NCOA2: variants seen among roughly 807,000 people sequenced by gnomAD.
NCOA2 encodes nuclear receptor coactivator 2.
In NCOA2, 21 loss-of-function variants were observed where a neutral mutation model predicts 145.1. The ratio of observed to expected loss-of-function variants is 0.14; its 90% confidence interval spans 0.10 to 0.21. The LOEUF is 0.21. Among genes scored for constraint, NCOA2 ranks in the 10% least tolerant of loss-of-function variants. The pLI is 1.00. For synonymous variants in NCOA2, 619 were observed against 637.5 expected (o/e 0.97, Z 0.44); for missense variants, 1,472 against 1,837.6 (o/e 0.80, Z 3.64).
intron 1 of NCOA2, among the ~76,000 whole-genome samples, chr8:70,391,252 A>G (rs148794860): frequency 6.6e-6 from 1 of 152,342 alleles, no homozygotes; most frequent in Non-Finnish European, 1.5e-5. Context: ...GTTACTCCAA[A>G]TAAGTGTTTG....
intron 1 of NCOA2, among the ~76,000 whole-genome samples, chr8:70,331,245 ATAAAGCTTTCTTAC>A (rs1807069613): frequency 6.6e-6 from 1 of 152,028 alleles, no homozygotes; most frequent in Non-Finnish European, 1.5e-5. Flanking sequence ...AAACAACAGC[ATAAAGCTTTCTTAC>A]TAAAACAAAC....
chr8:70,133,074 G>A (rs1311833211), intron 15 of NCOA2, among the ~76,000 whole-genome samples: 1 of 148,682 alleles, frequency 6.7e-6, no homozygotes, highest in Non-Finnish European at 1.5e-5. Context: ...GAGGAGGGGT[G>A]TGTGTGTGTG....
intron 1 of NCOA2, among the ~76,000 whole-genome samples, chr8:70,319,378 C>T (rs1166547262): frequency 6.6e-6 from 1 of 151,288 alleles, no homozygotes. Flanking sequence ...CCTGACTCTA[C>T]AAAAAATACA....
chr8:70,130,866 A>G (rs1194640700), intron 16 of NCOA2, among the ~76,000 whole-genome samples: 8 of 152,218 alleles, frequency 5.3e-5, no homozygotes, highest in Non-Finnish European at 7.3e-5. Context: ...CTCTTTACAC[A>G]GTAAGCCAGG....
chr8:70,284,087 T>C (rs977078161), intron 2 of NCOA2, among the ~76,000 whole-genome samples: 3 of 152,150 alleles, frequency 2.0e-5, no homozygotes, highest in Non-Finnish European at 2.9e-5. Flanking sequence ...ACAACACCCC[T>C]TGAAAACAGC....
At chr8:70,132,779 T>C (rs1809286739) in intron 15 of NCOA2, among the ~76,000 whole-genome samples, 1 of 152,210 alleles carries the variant, frequency 6.6e-6, no homozygotes, top group Non-Finnish European at 1.5e-5. Flanking sequence ...TTACCCACAC[T>C]GGTCTTGAAC....
At chr8:70,441,800 GAAA>G in the NCOA2 span, among the ~76,000 whole-genome samples, 8 of 137,112 alleles carry the variant, frequency 5.8e-5, no homozygotes, top group Non-Finnish European at 1.3e-4. Flanking sequence ...AAGAAAGAAA[GAAA>G]GAAAGAAAGA....
At chr8:70,261,351 A>G (rs1330832543) in intron 2 of NCOA2, among the ~76,000 whole-genome samples, 2 of 152,190 alleles carry the variant, frequency 1.3e-5, no homozygotes, top group Non-Finnish European at 2.9e-5. Context: ...TATCGCAGGA[A>G]CAAAAGGCCA....
At chr8:70,124,620 C>A (rs1343923953) in intron 20 of NCOA2, 68 bp downstream of exon 20, 3 of 1,437,144 alleles carry the variant, frequency 2.1e-6, no homozygotes, top group Non-Finnish European at 2.8e-6. Flanking sequence ...CGGGTGCAGG[C>A]ATGAAGGTGG....
intron 4 of NCOA2, among the ~76,000 whole-genome samples, chr8:70,197,029 C>T (rs887072726): frequency 4.6e-5 from 7 of 152,144 alleles, no homozygotes; most frequent in East Asian, 3.9e-4. Context: ...ATGCAGTAGG[C>T]GTCTAAATGG....
At chr8:70,211,648 C>T (rs1819042472) in intron 4 of NCOA2, among the ~76,000 whole-genome samples, 1 of 152,018 alleles carries the variant, frequency 6.6e-6, no homozygotes, top group South Asian at 2.1e-4. Context: ...GATAATTTGC[C>T]CAGGTTCAAA....
intron 2 of NCOA2, among the ~76,000 whole-genome samples, chr8:70,281,288 G>A (rs893352306): frequency 2.8e-4 from 42 of 150,182 alleles, no homozygotes; most frequent in African/African-American, 7.9e-4. Context: ...CATGGGAGGC[G>A]GAGGTTGTAG....
chr8:70,252,676 C>T (rs1290589998), intron 2 of NCOA2, among the ~76,000 whole-genome samples: 3 of 152,146 alleles, frequency 2.0e-5, no homozygotes, highest in Admixed American at 1.3e-4. Context: ...AAGTATTACA[C>T]AGGTCATTGG....
intron 10 of NCOA2, among the ~76,000 whole-genome samples, 198 bp downstream of exon 10, chr8:70,159,307 A>G (rs1177229026): frequency 7.3e-6 from 1 of 136,440 alleles, no homozygotes; most frequent in Non-Finnish European, 1.6e-5. Context: ...TGCAGAAGCC[A>G]TGGATACAGA....
At chr8:70,115,486 A>G (rs148069083) in intron 22 of NCOA2, among the ~76,000 whole-genome samples, 38 of 152,302 alleles carry the variant, frequency 2.5e-4, no homozygotes, top group Non-Finnish European at 5.0e-4. Context: ...CGTACCTAAT[A>G]CTTCTAGGAT....
At chr8:70,260,799 A>G (rs1393928653) in intron 2 of NCOA2, among the ~76,000 whole-genome samples, 3 of 152,246 alleles carry the variant, frequency 2.0e-5, no homozygotes, top group African/African-American at 7.2e-5. Flanking sequence ...GACTGTCTGA[A>G]CAGACACTTC....
chr8:70,268,475 GTTTGACTATTTTTA>G (rs1824788442), intron 2 of NCOA2, among the ~76,000 whole-genome samples: 1 of 152,126 alleles, frequency 6.6e-6, no homozygotes, highest in Non-Finnish European at 1.5e-5. Flanking sequence ...ATTAGGTACA[GTTTGACTATTTTTA>G]TTTGACTATT....
chr8:70,246,427 C>T (rs1018103697), intron 2 of NCOA2, among the ~76,000 whole-genome samples: 2 of 152,020 alleles, frequency 1.3e-5, no homozygotes, highest in African/African-American at 2.4e-5. Flanking sequence ...CACGAGGAGA[C>T]TAAAAGAATG....
At chr8:70,202,547 G>A (rs1294012642) in intron 4 of NCOA2, among the ~76,000 whole-genome samples, 1 of 152,144 alleles carries the variant, frequency 6.6e-6, no homozygotes, top group African/African-American at 2.4e-5. Flanking sequence ...GCCACAAAAT[G>A]GATGAACCTT....
Sources: allele counts gnomAD v4.1 joint callset (sites outside exome capture counted in the v4.1 genomes callset), GRCh38; gene constraint gnomAD v4.1.1; transcripts MANE v1.5; gene names NCBI Gene and HGNC (gene_info 2026-07-23, HGNC 2026-07-21).